The following ADAMTS6 variants were observed in gnomAD, a reference collection of about 807,000 sequenced individuals.
ADAMTS6 encodes the protein A disintegrin and metalloproteinase with thrombospondin motifs 6.
In ADAMTS6, 23 loss-of-function variants were observed where a neutral mutation model predicts 144.3. The ratio of observed to expected loss-of-function variants is 0.16; its 90% CI spans 0.11 to 0.23. The LOEUF (loss-of-function observed/expected upper bound fraction) is 0.23. ADAMTS6 is among the 10% of genes least tolerant of loss of function. The pLI is 1.00. For synonymous variants in ADAMTS6, 444 were observed against 457.5 expected (o/e 0.97, Z 0.38); for missense variants, 999 against 1,379.6 (o/e 0.72, Z 4.37).
chr5:65,429,793 TAGA>T, intron 7 of ADAMTS6, among the ~76,000 whole-genome samples: 1 of 152,122 alleles, frequency 6.6e-6, no homozygotes, highest in Non-Finnish European at 1.5e-5. Flanking sequence ...ATATCTGATA[TAGA>T]AAATATGAAC....
At chr5:65,412,798 T>C (rs1233591594) in intron 7 of ADAMTS6, among the ~76,000 whole-genome samples, 1 of 152,148 alleles carries the variant, frequency 6.6e-6, no homozygotes, top group Non-Finnish European at 1.5e-5. Flanking sequence ...ATAATATAAT[T>C]GAAAATTAGC....
intron 22 of ADAMTS6, among the ~76,000 whole-genome samples, chr5:65,182,140 T>C (rs1245338962): frequency 6.6e-6 from 1 of 152,002 alleles, no homozygotes; most frequent in Non-Finnish European, 1.5e-5. Flanking sequence ...CCAAACCAGA[T>C]ATGACTGATA....
rs574170619 is a variant in ADAMTS6 at position 65,431,222 on chromosome 5, G to T, written c.1073+20253C>A. Reference sequence around the variant, plus strand: ...CATATAAACATTATATGTCTCATAGGCTTTGGTTTCTCAATAGCCTTTATA... The same window carrying T: ...CATATAAACATTATATGTCTCATAGTCTTTGGTTTCTCAATAGCCTTTATA... On this transcript the variant is annotated intron_variant, in intron 7 of 24. Transcript: ENST00000381055. Among the ~76,000 whole-genome samples the T allele has an allele frequency of 2.0e-5, 3 of 151,932 alleles. 1 individual carries two copies. The highest frequency in any genetic ancestry group is 3.9e-4 in the East Asian group (2 of 5,172).
intron 3 of ADAMTS6, among the ~76,000 whole-genome samples, chr5:65,466,171 G>A (rs10059705): frequency 6.6e-6 from 1 of 152,028 alleles, no homozygotes; most frequent in Admixed American, 6.5e-5. Flanking sequence ...CTCAGGCCTC[G>A]AACTTGTAGT....
At position 65,171,300 on chromosome 5, in the gene ADAMTS6, C is replaced by T. The variant is rs368640043; in HGVS notation, c.3088-527G>A. 7.6e-4 allele frequency among the ~76,000 whole-genome samples: 116 copies of T among 152,270 alleles called. 1 individual carries two copies. Among genetic ancestry groups the T allele is most frequent in the African/African-American group, 2.6e-3 (110 of 41,550 alleles). On this transcript the variant is annotated intron_variant, in intron 23 of 24. Coordinates refer to ENST00000381055, the MANE Select transcript of ADAMTS6 (RefSeq NM_197941.4). ...CTGGGATTACAGGTGTGAGCCATCG[C>T]GCCTGGCCACAATATTAACTTTTAA...
chr5:65,422,132 G>T (rs947650290), intron 7 of ADAMTS6, among the ~76,000 whole-genome samples: 1 of 152,038 alleles, frequency 6.6e-6, no homozygotes, highest in African/African-American at 2.4e-5. Flanking sequence ...CCCATTAAAA[G>T]GTGGGCAAAT....
chr5:65,193,796 G>A (rs1372904384), intron 21 of ADAMTS6, among the ~76,000 whole-genome samples: 1 of 151,940 alleles, frequency 6.6e-6, no homozygotes, highest in Admixed American at 6.6e-5. Flanking sequence ...ATTATTGCAG[G>A]GGATCAAAAT....
chr5:65,452,930 G>A lies in ADAMTS6; in HGVS notation c.632-12C>T, dbSNP rs1561555371. 6.2e-7 allele frequency: 1 copy of A among 1,608,508 alleles called. No individual in the cohort carries two copies. On this transcript the variant is annotated splice_polypyrimidine_tract_variant and intron_variant, in intron 4 of 24. Coordinates refer to ENST00000381055, the MANE Select transcript of ADAMTS6 (RefSeq NM_197941.4). Reference sequence around the variant, plus strand: ...ACTTCTTGTGAAATCTACAATAAAAGCAGCCAATTCAGATAGGTTCACTAA... The same window carrying A: ...ACTTCTTGTGAAATCTACAATAAAAACAGCCAATTCAGATAGGTTCACTAA...
chr5:65,419,146 T>C (rs1311999545), intron 7 of ADAMTS6, among the ~76,000 whole-genome samples: 1 of 152,146 alleles, frequency 6.6e-6, no homozygotes, highest in African/African-American at 2.4e-5. Context: ...TGTTATCAAC[T>C]AGGTGCCCAT....
At chr5:65,275,899 A>G (rs1762493884) in intron 11 of ADAMTS6, among the ~76,000 whole-genome samples, 1 of 152,030 alleles carries the variant, frequency 6.6e-6, no homozygotes, top group Non-Finnish European at 1.5e-5. Flanking sequence ...ATTATGAAAA[A>G]TTTTCATCCA....
At chr5:65,374,468 G>T (rs1245389478) in intron 7 of ADAMTS6, among the ~76,000 whole-genome samples, 122 of 149,538 alleles carry the variant, frequency 8.2e-4, no homozygotes, top group African/African-American at 3.0e-3. Context: ...ACCAACAACA[G>T]ACAAACAGAG....
chr5:65,182,090 C>T (rs1195731988), intron 22 of ADAMTS6, among the ~76,000 whole-genome samples: 1 of 152,126 alleles, frequency 6.6e-6, no homozygotes, highest in Non-Finnish European at 1.5e-5. Context: ...ACAATTCATT[C>T]ATCTCCATCT....
chr5:65,371,881 G>A (rs1750959236), intron 7 of ADAMTS6, among the ~76,000 whole-genome samples: 1 of 152,060 alleles, frequency 6.6e-6, no homozygotes, highest in African/African-American at 2.4e-5. Context: ...AGAAAGGTCA[G>A]GTTACCCTCA....
chr5:65,457,750 T>C (rs892610091), intron 4 of ADAMTS6, among the ~76,000 whole-genome samples: 7 of 147,020 alleles, frequency 4.8e-5, no homozygotes, highest in African/African-American at 1.7e-4. Flanking sequence ...TCTTTCTTTT[T>C]TTTTTTTTTT....
chr5:65,229,546 A>G (rs996740509), intron 15 of ADAMTS6, among the ~76,000 whole-genome samples: 3 of 152,184 alleles, frequency 2.0e-5, no homozygotes, highest in Admixed American at 1.3e-4. Context: ...GAACACAGAC[A>G]ACTTAATGAA....
chr5:65,179,708 T>C (rs1754216324), intron 22 of ADAMTS6, among the ~76,000 whole-genome samples: 2 of 151,974 alleles, frequency 1.3e-5, no homozygotes, highest in African/African-American at 4.8e-5. Context: ...AATGAAATAG[T>C]CTCTACCCTC....
At chr5:65,273,205 C>G (rs1044414690) in intron 12 of ADAMTS6, 135 bp downstream of exon 12, 11 of 735,314 alleles carry the variant, frequency 1.5e-5, no homozygotes, top group Admixed American at 4.4e-5. Context: ...GACAATTAAC[C>G]TATTGTTCTA....
chr5:65,269,187 T>C (rs1378411846), intron 12 of ADAMTS6, among the ~76,000 whole-genome samples: 1 of 152,236 alleles, frequency 6.6e-6, no homozygotes, highest in Non-Finnish European at 1.5e-5. Context: ...TTGATGATAC[T>C]CTAGTAATAT....
At chr5:65,421,862 A>C (rs1189670165) in intron 7 of ADAMTS6, among the ~76,000 whole-genome samples, 1 of 152,238 alleles carries the variant, frequency 6.6e-6, no homozygotes, top group Non-Finnish European at 1.5e-5. Flanking sequence ...AAATTTCTAG[A>C]AGAAAACCTA....
Sources: allele counts gnomAD v4.1 joint callset (sites outside exome capture counted in the v4.1 genomes callset), GRCh38; gene constraint gnomAD v4.1.1; transcripts MANE v1.5; gene names NCBI Gene and HGNC (gene_info 2026-07-23, HGNC 2026-07-21).